SLC68A1: variants seen among roughly 807,000 people sequenced by gnomAD.
SLC68A1 encodes the protein major facilitator superfamily domain containing 13A.
chr10:102,468,699 C>G, the SLC68A1 span: 1 of 234,052 alleles, frequency 4.3e-6, no homozygotes, highest in South Asian at 7.0e-5. Flanking sequence ...GCATCCAGCC[C>G]TGGCACGCGA....
the SLC68A1 span, chr10:102,470,994 C>G: frequency 1.9e-6 from 3 of 1,613,260 alleles, no homozygotes; most frequent in African/African-American, 4.0e-5. Context: ...TCCTTCCGCG[C>G]TTTCTGCGTG....
the SLC68A1 span, among the ~76,000 whole-genome samples, chr10:102,463,504 G>A: frequency 6.6e-6 from 1 of 152,130 alleles, no homozygotes. Context: ...GTGGGCTGGA[G>A]GAGGGGAAGG....
At chr10:102,461,428 A>T in the SLC68A1 span, 2 of 152,420 alleles carry the variant, frequency 1.3e-5, no homozygotes, top group East Asian at 3.9e-4. Context: ...CCGTGGGATT[A>T]GGCTTCGCCG....
the SLC68A1 span, among the ~76,000 whole-genome samples, chr10:102,462,739 A>C: frequency 6.6e-6 from 1 of 152,204 alleles, no homozygotes; most frequent in Non-Finnish European, 1.5e-5. Context: ...AAGGTTTACA[A>C]AACCCTTCCT....
chr10:102,476,229 G>T, the SLC68A1 span: 2 of 521,072 alleles, frequency 3.8e-6, no homozygotes, highest in East Asian at 4.6e-5. Flanking sequence ...CACCATGCCC[G>T]GCTACTTTTT....
chr10:102,470,156 G>C, the SLC68A1 span: 1 of 1,337,220 alleles, frequency 7.5e-7, no homozygotes, highest in Middle Eastern at 1.8e-4. Context: ...GCCTGTGTTT[G>C]GGGTGGGGAA....
At chr10:102,471,326 T>A in the SLC68A1 span, 1 of 1,613,804 alleles carries the variant, frequency 6.2e-7, no homozygotes, top group Non-Finnish European at 8.5e-7. Context: ...AGCATCACCT[T>A]GGGCCGGTAT....
the SLC68A1 span, chr10:102,476,074 A>ATT: frequency 1.2e-4 from 145 of 1,167,324 alleles, no homozygotes; most frequent in Non-Finnish European, 1.5e-4. Context: ...AGGATTTCAT[A>ATT]GTTTTTTTTT....
the SLC68A1 span, chr10:102,473,921 G>A: frequency 6.2e-6 from 10 of 1,613,890 alleles, no homozygotes; most frequent in South Asian, 2.2e-5. Flanking sequence ...AGGCAGCCTC[G>A]GCACTCCTCT....
At chr10:102,461,754 T>A in the SLC68A1 span, 1 of 152,380 alleles carries the variant, frequency 6.6e-6, no homozygotes, top group South Asian at 2.1e-4. Flanking sequence ...AGGGATGCAC[T>A]GGTCAGGTCG....
chr10:102,468,740 T>C, the SLC68A1 span: 2 of 307,404 alleles, frequency 6.5e-6, no homozygotes, highest in Non-Finnish European at 1.2e-5. Context: ...GTGTCTGCCG[T>C]CTCTTCCCAC....
the SLC68A1 span, chr10:102,469,306 C>T: frequency 9.6e-6 from 10 of 1,043,348 alleles, no homozygotes; most frequent in South Asian, 1.1e-4. Context: ...CAGTCAGAGG[C>T]CTGGGCAGTC....
the SLC68A1 span, among the ~76,000 whole-genome samples, chr10:102,465,252 C>A: frequency 1.3e-5 from 2 of 151,404 alleles, no homozygotes; most frequent in Admixed American, 1.3e-4. Flanking sequence ...GAGCAAGACT[C>A]CATCTCTACA....
the SLC68A1 span, chr10:102,469,906 T>C: frequency 1.1e-5 from 17 of 1,517,098 alleles, no homozygotes; most frequent in Non-Finnish European, 1.5e-5. Context: ...GGGCCATCTT[T>C]CAGGGGTGGT....
At chr10:102,476,176 T>G in the SLC68A1 span, 2 of 1,026,916 alleles carry the variant, frequency 1.9e-6, no homozygotes, top group Non-Finnish European at 1.3e-6. Context: ...CAAGCAATTA[T>G]CCTGCCTCAG....
At chr10:102,471,183 G>A in the SLC68A1 span, 1 of 386,580 alleles carries the variant, frequency 2.6e-6, no homozygotes, top group African/African-American at 3.4e-5. Flanking sequence ...TTCGGTGCTG[G>A]GTCCCCGGCT....
the SLC68A1 span, chr10:102,469,232 G>T: frequency 6.2e-7 from 1 of 1,610,532 alleles, no homozygotes; most frequent in Non-Finnish European, 8.5e-7. Flanking sequence ...CATGGAGGAG[G>T]GGGTGGGGTG....
the SLC68A1 span, chr10:102,475,612 G>A: frequency 7.7e-7 from 1 of 1,296,932 alleles, no homozygotes; most frequent in South Asian, 1.5e-5. Context: ...AGGAGTTGTG[G>A]TCTGGACACG....
chr10:102,470,705 C>T, the SLC68A1 span: 15 of 1,612,528 alleles, frequency 9.3e-6, no homozygotes, highest in South Asian at 3.3e-5. Flanking sequence ...GGTGCTGGCC[C>T]GGGTGCAGGC....
Sources: gnomAD v4.1 joint callset for allele counts (sites outside exome capture counted in the v4.1 genomes callset) on GRCh38, gnomAD v4.1.1 for gene constraint, MANE v1.5 for transcripts, NCBI Gene and HGNC (gene_info 2026-07-23, HGNC 2026-07-21) for gene names.